RGS10: variants seen among roughly 807,000 people sequenced by gnomAD.
The protein encoded by RGS10 is regulator of G-protein signalling 10.
RGS10 carries 11 observed loss-of-function variants against 23.5 expected under a neutral mutation model. The observed-to-expected ratio is 0.47, with a 90% CI of 0.29 to 0.77. RGS10 has a LOEUF of 0.77. Ranked by LOEUF, RGS10 falls within the 30% of genes least tolerant of loss-of-function variation. The pLI is 0.08. For synonymous variants in RGS10, 77 were observed against 83.2 expected, an observed-to-expected ratio of 0.92 and a Z score of 0.41; for missense variants, 180 against 226.3, an observed-to-expected ratio of 0.80 and a Z score of 1.31.
intron 4 of RGS10, 60 bp from the exon 5 acceptor site, chr10:119,500,319 C>A: frequency 6.7e-7 from 1 of 1,493,918 alleles, no homozygotes; most frequent in South Asian, 1.2e-5. Flanking sequence ...ATAAATCATC[C>A]CATCAGATAT....
chr10:119,524,836 G>A lies in RGS10; in HGVS notation c.255+1196C>T, dbSNP rs1844255301. Among the ~76,000 whole-genome samples, 2 of 152,236 alleles carry A rather than the reference G, an allele frequency of 1.3e-5. No individual in the cohort carries two copies. Among genetic ancestry groups the A allele is most frequent in the African/African-American group, 4.8e-5 (2 of 41,464 alleles). On this transcript the variant is annotated intron_variant, in intron 3 of 4. Transcript: ENST00000369103. The surrounding 1 kb of genome is among the most constrained non-coding windows in gnomAD (Gnocchi z 5.2). ...TTAGAATACTCCCTTGCCACCTCCAGAGAGGAAGGTGGTGGAGAAAAGGCC... is the reference window on the plus strand; with the variant it reads ...TTAGAATACTCCCTTGCCACCTCCAAAGAGGAAGGTGGTGGAGAAAAGGCC...
chr10:119,513,385 G>A (rs560976621), intron 4 of RGS10, among the ~76,000 whole-genome samples: 14 of 152,136 alleles, frequency 9.2e-5, no homozygotes, highest in East Asian at 7.7e-4. Flanking sequence ...ACTTGAGCCC[G>A]GGAGGCCAAG....
At chr10:119,505,849 G>A (rs1346768697) in intron 4 of RGS10, among the ~76,000 whole-genome samples, 1 of 152,144 alleles carries the variant, frequency 6.6e-6, no homozygotes, top group African/African-American at 2.4e-5. Flanking sequence ...AACAAAACAT[G>A]CATCCTCTCT....
At chr10:119,519,039 G>A (rs1209690711) in intron 3 of RGS10, among the ~76,000 whole-genome samples, 2 of 152,070 alleles carry the variant, frequency 1.3e-5, no homozygotes, top group Non-Finnish European at 2.9e-5. Flanking sequence ...TAAAAGAAAA[G>A]CATGCACCCC....
At chr10:119,536,575 T>C in intron 1 of RGS10, 3 of 1,483,038 alleles carry the variant, frequency 2.0e-6, no homozygotes, top group Non-Finnish European at 2.7e-6. Flanking sequence ...CCGAGCACCC[T>C]TGGGTCCGAA....
chr10:119,521,472 A>G (rs1409428215), intron 3 of RGS10, among the ~76,000 whole-genome samples: 1 of 151,768 alleles, frequency 6.6e-6, no homozygotes, highest in African/African-American at 2.4e-5. Context: ...TGGGAGGCTG[A>G]GGTAGGAGAA....
At chr10:119,501,846 C>T (rs567183712) in intron 4 of RGS10, among the ~76,000 whole-genome samples, 48 of 152,348 alleles carry the variant, frequency 3.2e-4, no homozygotes, top group Non-Finnish European at 6.8e-4. Flanking sequence ...TCAAATTTTA[C>T]ACCTTCATCT....
At chr10:119,510,372 C>T (rs1463974528) in intron 4 of RGS10, among the ~76,000 whole-genome samples, 1 of 152,200 alleles carries the variant, frequency 6.6e-6, no homozygotes, top group African/African-American at 2.4e-5. Context: ...GCGCTCACCT[C>T]TCCTTGGAAG....
intron 1 of RGS10, among the ~76,000 whole-genome samples, chr10:119,542,047 C>A (rs1043851976): frequency 6.6e-6 from 1 of 152,222 alleles, no homozygotes; most frequent in Admixed American, 6.5e-5. Flanking sequence ...GCTCGGACCG[C>A]AGAAGTGCCC....
intron 4 of RGS10, among the ~76,000 whole-genome samples, chr10:119,505,779 T>A (rs772139128): frequency 4.3e-4 from 65 of 152,164 alleles, no homozygotes; most frequent in Non-Finnish European, 6.9e-4. Flanking sequence ...TCTCCATTCA[T>A]TGCGTTTCAA....
intron 4 of RGS10, among the ~76,000 whole-genome samples, chr10:119,502,306 C>T (rs1018057863): frequency 4.6e-5 from 7 of 152,140 alleles, no homozygotes; most frequent in African/African-American, 1.7e-4. Context: ...CAAGGGGAAA[C>T]TTTCAGAGGC....
intron 1 of RGS10, among the ~76,000 whole-genome samples, chr10:119,532,396 G>C (rs751241834): frequency 1.2e-4 from 18 of 152,158 alleles, no homozygotes; most frequent in Non-Finnish European, 2.2e-4. Context: ...GACACACTAA[G>C]TAATGAATTC....
Position 119,515,670 on chromosome 10 carries a change from G to A in RGS10, c.256-18C>T. ...TCCTGCATCTGGAGGAGACAGATGGGGCCTTGTGCTATCTGCACACACAGC... is the reference window on the plus strand; with the variant it reads ...TCCTGCATCTGGAGGAGACAGATGGAGCCTTGTGCTATCTGCACACACAGC... On this transcript the variant is annotated intron_variant, in intron 3 of 4. Transcript: ENST00000369103. 1 of 1,613,462 alleles carries A rather than the reference G, an allele frequency of 6.2e-7. No individual in the cohort carries two copies. Among genetic ancestry groups the A allele is most frequent in the Non-Finnish European group, 8.5e-7 (1 of 1,179,778 alleles).
At chr10:119,539,396 A>G (rs772075867) in intron 1 of RGS10, among the ~76,000 whole-genome samples, 2 of 152,194 alleles carry the variant, frequency 1.3e-5, no homozygotes, top group African/African-American at 2.4e-5. Flanking sequence ...GCAGGGTGGG[A>G]ATTCCCCTGA....
chr10:119,534,785 G>A (rs1844370410), intron 1 of RGS10, among the ~76,000 whole-genome samples: 1 of 151,540 alleles, frequency 6.6e-6, no homozygotes, highest in Non-Finnish European at 1.5e-5. Context: ...AGCTACTCGG[G>A]AGGCTGAAGC....
At chr10:119,531,723 G>A (rs763202449) in intron 1 of RGS10, among the ~76,000 whole-genome samples, 33 of 152,130 alleles carry the variant, frequency 2.2e-4, no homozygotes, top group Admixed American at 3.9e-4. Context: ...TGAATCACTG[G>A]ATGGACCCAA....
rs1448101026 is a variant in RGS10 at position 119,517,757 on chromosome 10, G to C, written c.256-2105C>G. ...TCTTGAGTGATTCTGAAATAGAGAA[G>C]TGCAATGAATGGCTTGAGTCTTTGA... On this transcript the variant is annotated intron_variant, in intron 3 of 4. Coordinates refer to ENST00000369103, the MANE Select transcript of RGS10 (RefSeq NM_001005339.2). This position sits in a 1 kb window ranked among gnomAD's most constrained non-coding sequence, Gnocchi z 5.0. Among the ~76,000 whole-genome samples, 1 of 152,232 alleles carries C rather than the reference G, an allele frequency of 6.6e-6. No individual in the cohort carries two copies. Among genetic ancestry groups the C allele is most frequent in the African/African-American group, 2.4e-5 (1 of 41,462 alleles).
intron 1 of RGS10, chr10:119,536,467 C>T: frequency 1.2e-6 from 2 of 1,613,124 alleles, no homozygotes; most frequent in Middle Eastern, 1.7e-4. Flanking sequence ...TCCTTACGTT[C>T]CATGCTCTGG....
intron 1 of RGS10, among the ~76,000 whole-genome samples, chr10:119,532,560 C>G (rs1844342060): frequency 6.6e-6 from 1 of 152,094 alleles, no homozygotes; most frequent in African/African-American, 2.4e-5. Flanking sequence ...ACAAAAAATA[C>G]AAAAATTAGG....
Sources: allele counts gnomAD v4.1 joint callset (sites outside exome capture counted in the v4.1 genomes callset), GRCh38; gene constraint gnomAD v4.1.1; non-coding constraint Gnocchi (gnomAD v3.1); transcripts MANE v1.5; gene names NCBI Gene and HGNC (gene_info 2026-07-23, HGNC 2026-07-21).